Variants in LRP1B observed in about 807,000 individuals in gnomAD.
LRP1B encodes LDL receptor related protein 1B.
A neutral mutation model predicts 556.6 loss-of-function variants in LRP1B; 217 were observed. The observed-to-expected ratio is 0.39, with a 90% CI of 0.35 to 0.44. The LOEUF is 0.44. Ranked by LOEUF, LRP1B falls within the 20% of genes least tolerant of loss-of-function variation. The pLI is 1.00. For missense variants in LRP1B, 5,053 were observed against 5,620.8 expected (o/e 0.90, Z 3.23); for synonymous variants, 2,047 against 1,865.8 (o/e 1.10, Z -2.50).
At chr2:140,918,269 T>C (rs1026781610) in intron 21 of LRP1B, among the ~76,000 whole-genome samples, 2 of 151,822 alleles carry the variant, frequency 1.3e-5, no homozygotes, top group Non-Finnish European at 2.9e-5. Flanking sequence ...TTTTAAGACT[T>C]CTTTGGAACC....
intron 66 of LRP1B, among the ~76,000 whole-genome samples, chr2:140,436,466 G>A (rs1573937272): frequency 6.6e-6 from 1 of 152,076 alleles, no homozygotes; most frequent in Non-Finnish European, 1.5e-5. Flanking sequence ...TATATCCTGA[G>A]AAATAGTGAT....
intron 3 of LRP1B, among the ~76,000 whole-genome samples, chr2:141,385,882 T>G (rs1019298485): frequency 6.6e-6 from 1 of 152,182 alleles, no homozygotes; most frequent in South Asian, 2.1e-4. Flanking sequence ...TGCTGCTTAG[T>G]TTCTCTAAAT....
At chr2:140,537,896 G>T (rs1297590606) in intron 45 of LRP1B, among the ~76,000 whole-genome samples, 1 of 152,022 alleles carries the variant, frequency 6.6e-6, no homozygotes, top group Non-Finnish European at 1.5e-5. Context: ...TTCAGTAATA[G>T]ATTTACTAGC....
chr2:141,674,758 C>A (rs1222317232), intron 2 of LRP1B, among the ~76,000 whole-genome samples: 1 of 151,918 alleles, frequency 6.6e-6, no homozygotes, highest in Non-Finnish European at 1.5e-5. Flanking sequence ...GAATTGTATC[C>A]AGATATTTCT....
chr2:140,407,253 GA>G (rs1041595949), intron 66 of LRP1B, among the ~76,000 whole-genome samples: 3 of 151,924 alleles, frequency 2.0e-5, no homozygotes, highest in Non-Finnish European at 2.9e-5. Flanking sequence ...AGACAACATT[GA>G]AAAAACTATT....
chr2:141,517,487 A>G (rs1442842468), intron 2 of LRP1B, among the ~76,000 whole-genome samples: 2 of 152,194 alleles, frequency 1.3e-5, no homozygotes, highest in Non-Finnish European at 2.9e-5. Context: ...TATGCAATAC[A>G]TGGGAATATT....
intron 32 of LRP1B, among the ~76,000 whole-genome samples, chr2:140,792,075 C>G (rs1690140421): frequency 1.3e-5 from 2 of 152,032 alleles, no homozygotes; most frequent in African/African-American, 4.8e-5. Flanking sequence ...CTAAAATAAC[C>G]CTTATCTTCC....
intron 43 of LRP1B, among the ~76,000 whole-genome samples, chr2:140,546,025 T>TGTGTGC (rs1680325180): frequency 6.6e-6 from 1 of 151,596 alleles, no homozygotes; most frequent in African/African-American, 2.4e-5. Flanking sequence ...TGTGTGTGTG[T>TGTGTGC]GTGTGTGTGT....
chr2:140,641,533 C>T lies in LRP1B; in HGVS notation c.6800-39894G>A, dbSNP rs532871. 9.5e-3 allele frequency among the ~76,000 whole-genome samples: 1,452 copies of T among 152,312 alleles called. 24 individuals are homozygous for T. Among genetic ancestry groups the T allele is most frequent in the African/African-American group, 0.033 (1,389 of 41,568 alleles). ...ACAGCTGGAACTTGTGACTTTCTCT[C>T]TTGAGACTATTTTAAGGATCTTCAA... On this transcript the variant is annotated intron_variant, in intron 41 of 90. Transcript: ENST00000389484.
At chr2:141,194,489 C>T (rs1263310499) in intron 6 of LRP1B, among the ~76,000 whole-genome samples, 1 of 152,084 alleles carries the variant, frequency 6.6e-6, no homozygotes, top group Non-Finnish European at 1.5e-5. Flanking sequence ...TCTAGAGACG[C>T]TTTGTTGCTT....
intron 23 of LRP1B, among the ~76,000 whole-genome samples, chr2:140,897,910 C>T (rs1362060645): frequency 6.6e-6 from 1 of 152,098 alleles, no homozygotes; most frequent in East Asian, 1.9e-4. Context: ...GGGACTTCAC[C>T]CTATGATTGT....
At chr2:141,729,194 A>G (rs964669020) in intron 2 of LRP1B, among the ~76,000 whole-genome samples, 5 of 152,160 alleles carry the variant, frequency 3.3e-5, no homozygotes, top group African/African-American at 4.8e-5. Flanking sequence ...ATGTTTTTCA[A>G]GTGCTTACCT....
intron 37 of LRP1B, among the ~76,000 whole-genome samples, chr2:140,712,958 T>C (rs1483749864): frequency 6.6e-6 from 1 of 152,078 alleles, no homozygotes; most frequent in Admixed American, 6.6e-5. Context: ...TTCTTTTTTT[T>C]CTCTCTCCTA....
At chr2:140,956,990 G>T (rs1033528594) in intron 18 of LRP1B, among the ~76,000 whole-genome samples, 1 of 151,702 alleles carries the variant, frequency 6.6e-6, no homozygotes, top group African/African-American at 2.4e-5. Context: ...ATGAGTGAGT[G>T]AATGAAAGAG....
At chr2:141,278,398 A>T (rs1685382981) in intron 3 of LRP1B, among the ~76,000 whole-genome samples, 1 of 152,170 alleles carries the variant, frequency 6.6e-6, no homozygotes, top group South Asian at 2.1e-4. Context: ...GGTCAGCTGC[A>T]GAAGAAGGCT....
At chr2:140,297,684 T>TG (rs1683663553) in intron 84 of LRP1B, 124 bp downstream of exon 84, 2 of 991,396 alleles carry the variant, frequency 2.0e-6, no homozygotes, top group Admixed American at 4.7e-5. Context: ...ATTGTTGGAG[T>TG]GACAGAGACT....
chr2:140,480,981 C>T (rs533696212), intron 59 of LRP1B, among the ~76,000 whole-genome samples: 1 of 152,232 alleles, frequency 6.6e-6, no homozygotes, highest in South Asian at 2.1e-4. Context: ...ATTCTTCTGC[C>T]TCAGCCTCCC....
At chr2:140,929,558 A>G (rs1418271058) in intron 20 of LRP1B, among the ~76,000 whole-genome samples, 1 of 152,106 alleles carries the variant, frequency 6.6e-6, no homozygotes, top group Non-Finnish European at 1.5e-5. Context: ...ATAACCTTAT[A>G]GGCATTTGGG....
intron 35 of LRP1B, among the ~76,000 whole-genome samples, chr2:140,731,764 CAA>C (rs36060787): frequency 2.2e-4 from 13 of 59,394 alleles, no homozygotes; most frequent in African/African-American, 3.5e-4. Context: ...GAGACTCCGT[CAA>C]AAAAAAAAAA....
Sources: gnomAD v4.1 joint callset for allele counts (sites outside exome capture counted in the v4.1 genomes callset) on GRCh38, gnomAD v4.1.1 for gene constraint, MANE v1.5 for transcripts, NCBI Gene and HGNC (gene_info 2026-07-23, HGNC 2026-07-21) for gene names.